Variants in KDM5D observed in about 807,000 individuals in gnomAD.
KDM5D encodes lysine-specific demethylase 5D.
KDM5D carries 25 observed loss-of-function variants against 31.9 expected under a neutral mutation model. The observed-to-expected ratio is 0.78, with a 90% CI of 0.57 to 1.09. The LOEUF is 1.09. KDM5D is among the 50% of genes least tolerant of loss of function. The pLI, the probability that KDM5D is intolerant of heterozygous loss-of-function variation, is 0.00. For missense variants in KDM5D, 366 were observed against 341.6 expected (o/e 1.07, Z -0.56); for synonymous variants, 146 against 122.3 (o/e 1.19, Z -1.28).
At chrY:19,726,560 G>A in intron 11 of KDM5D, among the ~76,000 whole-genome samples, 1 of 32,318 alleles carries the variant, frequency 3.1e-5, no homozygotes, top group Non-Finnish European at 7.6e-5. Context: ...TGTCAGGGCT[G>A]GGGGACTAGG....
At chrY:19,710,246 C>T (rs774379559) in intron 19 of KDM5D, 130 bp downstream of exon 19, 19 of 374,683 alleles carry the variant, frequency 5.1e-5, no homozygotes, top group Admixed American at 8.5e-5. Context: ...ATCTCCGCCA[C>T]TTCCAGGAAA....
chrY:19,744,440 G>C lies in KDM5D; in HGVS notation c.95C>G (p.Ala32Gly). The C allele has an allele frequency of 2.5e-6, 1 of 393,442 alleles. No individual in the cohort carries two copies. Among genetic ancestry groups the C allele is most frequent in the Non-Finnish European group, 3.6e-6 (1 of 280,368 alleles). ...AEFQDPLGYI[A>G]KIRPIAEKSG... is the part of the protein sequence containing the mutation. ...CTTCTCTGCTATGGGCCTTATTTTC[G>C]CAATGTAGCCAAGCGGGTCTTGGAA... Residue 32 changes from alanine to glycine, a missense_variant, in exon 2 of 27, where the codon GCG becomes GGG. Ala to Gly is a moderately conservative substitution (Grantham distance 60, BLOSUM62 0). Coordinates refer to ENST00000317961, the MANE Select transcript of KDM5D (RefSeq NM_004653.5).
chrY:19,707,492 T>C lies in KDM5D; in HGVS notation c.3654A>G (p.Pro1218=). 1 of 394,116 alleles carries C rather than the reference T, an allele frequency of 2.5e-6. No individual in the cohort carries two copies. The highest frequency in any genetic ancestry group is 3.6e-6 in the Non-Finnish European group (1 of 281,085). Residue 1218 remains proline, a synonymous_variant, in exon 24 of 27, where the codon CCA becomes CCG. Coordinates refer to ENST00000317961, the MANE Select transcript of KDM5D (RefSeq NM_004653.5). ...TGTCCCATTCCCACCAGGCTAGCAG[T>C]GGAGATGAAGTGAGACTGGGCTTTG... ...TSPKPSLTSS[P]LLAWWEWDTK... is the part of the protein sequence containing the mutation.
At position 19,715,862 on chromosome Y, in the gene KDM5D, T is replaced by C. The variant is rs938158701; in HGVS notation, c.2174A>G (p.Asn725Ser). The part of the protein sequence containing the change: ...PDGLVCLSHI[N>S]DLCKCSSSRQ... ...GCTACTAGAGCACTTGCAGAGGTCATTGATGTGGGAAAGGCATACAAGGCC... is the reference window on the plus strand; with the variant it reads ...GCTACTAGAGCACTTGCAGAGGTCACTGATGTGGGAAAGGCATACAAGGCC... The change falls in exon 16 of 27, where the codon AAT (asparagine) becomes AGT (serine). Residue 725 changes from asparagine (N) to serine (S), a missense_variant. Coordinates refer to ENST00000317961, the MANE Select transcript of KDM5D (RefSeq NM_004653.5). The C allele has an allele frequency of 2.0e-5, 8 of 396,853 alleles. No homozygotes were observed. Among genetic ancestry groups the C allele is most frequent in the South Asian group, 3.0e-5 (1 of 33,585 alleles).
intron 18 of KDM5D, chrY:19,715,068 T>C: frequency 9.0e-6 from 1 of 111,527 alleles, no homozygotes; most frequent in Non-Finnish European, 1.8e-5. Flanking sequence ...CAGTAATTTC[T>C]AGTTTCTATT....
rs2045378223 is a variant in KDM5D at position 19,719,598 on chromosome Y, T to C, written c.1716+1274A>G. On this transcript the variant is annotated intron_variant, in intron 13 of 26. Coordinates refer to ENST00000317961, the MANE Select transcript of KDM5D (RefSeq NM_004653.5). Reference sequence around the variant, plus strand: ...CACCCATATATGCAGAATGGGAATTTCGTAAGAAAAGAGAAGGAAAAAGGC... The same window carrying C: ...CACCCATATATGCAGAATGGGAATTCCGTAAGAAAAGAGAAGGAAAAAGGC... Among the ~76,000 whole-genome samples the C allele has an allele frequency of 9.0e-5, 3 of 33,185 alleles. No individual in the cohort carries two copies. In the South Asian group the frequency reaches 2.0e-3, roughly 22 times the overall value. 89.0% of individuals were successfully genotyped at this position (33,185 alleles called of 37,273 possible).
intron 11 of KDM5D, among the ~76,000 whole-genome samples, chrY:19,723,629 C>T (rs895022359): frequency 1.5e-3 from 50 of 33,147 alleles, no homozygotes; most frequent in Non-Finnish European, 2.7e-3. Context: ...TGCTACTGCA[C>T]GCCAGAATGT....
chrY:19,723,950 C>T, intron 11 of KDM5D, among the ~76,000 whole-genome samples: 1 of 33,428 alleles, frequency 3.0e-5, no homozygotes, highest in Non-Finnish European at 7.4e-5. Context: ...TTATACAAAT[C>T]AACAAACAAA....
chrY:19,733,068 G>A (rs2045484546), intron 8 of KDM5D, among the ~76,000 whole-genome samples: 1 of 33,487 alleles, frequency 3.0e-5, no homozygotes, highest in Non-Finnish European at 7.4e-5. Context: ...ACATAAAAAG[G>A]TCAAGTGACC....
chrY:19,716,144 C>T, intron 15 of KDM5D, 135 bp downstream of exon 15: 1 of 237,462 alleles, frequency 4.2e-6, no homozygotes, highest in East Asian at 9.9e-5. Context: ...AATATAAACA[C>T]ATACAGACTC....
chrY:19,718,221 A>G, intron 13 of KDM5D, among the ~76,000 whole-genome samples: 1 of 34,459 alleles, frequency 2.9e-5, no homozygotes, highest in Admixed American at 2.6e-4. Context: ...GTATATACCC[A>G]AAACTCTGAA....
Position 19,735,609 on chromosome Y carries a change from A to G in KDM5D, c.787+12T>C. On this transcript the variant is annotated intron_variant, in intron 7 of 26. Transcript: ENST00000317961. The stretch of plus-strand genomic sequence containing the variant: ...ACCCCTCACACTTCCCCAATCTGTT[A>G]AAGTTCCTCACCTTTCTTATGCACA... 2.5e-6 allele frequency: 1 copy of G among 397,494 alleles called. No individual in the cohort carries two copies. The highest frequency in any genetic ancestry group is 3.5e-6 in the Non-Finnish European group (1 of 282,133).
intron 11 of KDM5D, among the ~76,000 whole-genome samples, chrY:19,722,785 T>A (rs2045404125): frequency 3.3e-5 from 1 of 29,901 alleles, no homozygotes; most frequent in African/African-American, 1.3e-4. Flanking sequence ...TACCAGAAAA[T>A]CCAGAAAACA....
At position 19,735,423 on chromosome Y, in the gene KDM5D, G is replaced by A; in HGVS notation, c.862C>T (p.Gln288Ter). The A allele has an allele frequency of 2.5e-6, 1 of 396,155 alleles. No homozygotes were observed. The highest frequency in any genetic ancestry group is 3.6e-6 in the Non-Finnish European group (1 of 281,126). ...GTGCAGGGCTCTAGGCTCAAGTGCT[G>A]CTTGAGCAATGTTGATGACACGTTC... ...GGNVSSTLLK[Q>*]HLSLEPCTKT... Residue 288 changes from glutamine (Q) to a stop codon, truncating the protein, a stop_gained, in exon 8 of 27, where the codon CAG becomes TAG. Coordinates refer to ENST00000317961, the MANE Select transcript of KDM5D (RefSeq NM_004653.5). LOFTEE classifies it high-confidence loss of function.
chrY:19,741,903 A>G, intron 3 of KDM5D, 46 bp from the exon 4 acceptor site: 1 of 326,670 alleles, frequency 3.1e-6, no homozygotes, highest in Non-Finnish European at 4.4e-6. Context: ...CCTTAACCTG[A>G]CTTCATCGAG....
chrY:19,714,629 G>A, intron 18 of KDM5D, among the ~76,000 whole-genome samples: 1 of 33,730 alleles, frequency 3.0e-5, no homozygotes, highest in Admixed American at 2.7e-4. Flanking sequence ...ACAGTATCAC[G>A]CTGTGCAGGT....
In KDM5D at chrY:19,706,308, C is replaced by A. The variant is rs201122015; in HGVS notation, c.4307G>T (p.Ser1436Ile). ...CCGCCGTCGCCTCTCCAGAGCCCGG[C>A]TCCTTGTCCGACTCCCTTGATGTTC... ...KFEHQGSRTR[S>I]RALERRRRRQ... Residue 1436 changes from serine to isoleucine, a missense_variant, in exon 27 of 27, where the codon AGC becomes ATC. Transcript: ENST00000317961. The A allele has an allele frequency of 1.8e-4, 70 of 391,531 alleles. No homozygotes were observed. The highest frequency in any genetic ancestry group is 2.3e-4 in the Admixed American group (3 of 12,833).
In KDM5D at chrY:19,741,510, T is replaced by C. The variant is rs1009095785; in HGVS notation, c.352-22A>G. ...CAATCTGAAAGTATAAGAAACAATA[T>C]GGATGAACTGTGAACAGACTGGAAA... is the stretch of plus-strand genomic sequence containing the variant. On this transcript the variant is annotated intron_variant, in intron 4 of 26. Transcript: ENST00000317961. 4 of 345,492 alleles carry C rather than the reference T, an allele frequency of 1.2e-5. No individual in the cohort carries two copies. In the African/African-American group the frequency reaches 2.7e-4, roughly 24 times the overall value. 86.2% of individuals were successfully genotyped at this position (345,492 alleles called of 400,897 possible).
At chrY:19,720,828 C>T in intron 13 of KDM5D, 44 bp downstream of exon 13, 1 of 356,590 alleles carries the variant, frequency 2.8e-6, no homozygotes, top group South Asian at 3.1e-5. Context: ...TCCCTTCTCA[C>T]CCCAGGGAAG....
Sources: gnomAD v4.1 joint callset for allele counts (sites outside exome capture counted in the v4.1 genomes callset) on GRCh38, gnomAD v4.1.1 for gene constraint, MANE v1.5 for transcripts, NCBI Gene and HGNC (gene_info 2026-07-23, HGNC 2026-07-21) for gene names.